PRKDC: variants seen among roughly 807,000 people sequenced by gnomAD.
The protein encoded by PRKDC is protein kinase, DNA-activated, catalytic subunit.
In PRKDC, 82 loss-of-function variants were observed where a neutral mutation model predicts 486.9. The ratio of observed to expected loss-of-function variants is 0.17; its 90% CI spans 0.14 to 0.20. PRKDC has a LOEUF of 0.20. Ranked by LOEUF, PRKDC falls within the 10% of genes least tolerant of loss-of-function variation. PRKDC has a pLI of 1.00. For missense variants in PRKDC, 4,504 were observed against 5,038.2 expected (o/e 0.89, Z 3.21); for synonymous variants, 1,895 against 1,837.0 (o/e 1.03, Z -0.81).
At chr8:47,878,185 A>C (rs576433629) in intron 39 of PRKDC, among the ~76,000 whole-genome samples, 1 of 151,062 alleles carries the variant, frequency 6.6e-6, no homozygotes, top group Non-Finnish European at 1.5e-5. Flanking sequence ...GCTCACTGCA[A>C]ACTCCGCCTC....
chr8:47,904,455 T>A (rs1031586069), intron 26 of PRKDC, among the ~76,000 whole-genome samples: 1 of 152,236 alleles, frequency 6.6e-6, no homozygotes, highest in African/African-American at 2.4e-5. Flanking sequence ...GGTTTCTCCA[T>A]GTTGGCCTGG....
At chr8:47,833,699 C>G (rs1057276723) in intron 59 of PRKDC, among the ~76,000 whole-genome samples, 2 of 152,184 alleles carry the variant, frequency 1.3e-5, no homozygotes, top group African/African-American at 4.8e-5. Context: ...CTCTAGCATG[C>G]CCCGAAGCGT....
Position 47,863,388 on chromosome 8 carries a change from T to C in PRKDC, c.5750+11A>G, listed in dbSNP as rs1015486617. 1 of 1,580,168 alleles carries C rather than the reference T, an allele frequency of 6.3e-7. No individual in the cohort carries two copies. Among genetic ancestry groups the C allele is most frequent in the Non-Finnish European group, 8.6e-7 (1 of 1,159,616 alleles). ...AAATAAAATAGAATCCAAAATTAAGTAAAATCTTACTTAATCAATGTCTTT... is the reference window on the plus strand; with the variant it reads ...AAATAAAATAGAATCCAAAATTAAGCAAAATCTTACTTAATCAATGTCTTT... On this transcript the variant is annotated intron_variant, in intron 42 of 85. Transcript: ENST00000314191.
chr8:47,794,628 T>C (rs906315004), intron 73 of PRKDC, 127 bp from the exon 74 acceptor site: 2 of 788,182 alleles, frequency 2.5e-6, no homozygotes, highest in East Asian at 2.7e-5. Context: ...AAGTCTTCCA[T>C]CCCCTAGCTC....
At chr8:47,900,613 G>A (rs944557803) in intron 27 of PRKDC, 146 bp from the exon 28 acceptor site, 24 of 593,048 alleles carry the variant, frequency 4.0e-5, no homozygotes, top group Middle Eastern at 3.7e-4. Context: ...TGTAATCCCA[G>A]CACTTTGGGA....
At chr8:47,799,084 AGAC>A in intron 72 of PRKDC, 123 bp downstream of exon 72, 2 of 1,278,636 alleles carry the variant, frequency 1.6e-6, no homozygotes, top group Admixed American at 4.6e-5. Context: ...TCTCTTAAAA[AGAC>A]AGTAGGATTT....
Position 47,834,296 on chromosome 8 carries a change from C to T in PRKDC, c.8052G>A (p.Arg2684=), listed in dbSNP as rs532963775. Residue 2684 remains arginine (R), a synonymous_variant, in exon 59 of 86, where the codon AGG becomes AGA. Transcript: ENST00000314191. ...AGGGTGCTCTCTGTAACCTTTCACT[C>T]CTCTTGTGGGCAAACAGCAAGGAGT... ...SSDSLLFAHK[R]SERLQRAPLK... is the part of the protein sequence containing the mutation. 1 of 1,614,028 alleles carries T rather than the reference C, an allele frequency of 6.2e-7. No individual in the cohort carries two copies. Among genetic ancestry groups the T allele is most frequent in the Non-Finnish European group, 8.5e-7 (1 of 1,179,896 alleles).
intron 40 of PRKDC, among the ~76,000 whole-genome samples, chr8:47,873,565 A>G (rs547577118): frequency 3.3e-4 from 51 of 152,240 alleles, no homozygotes; most frequent in Non-Finnish European, 6.6e-4. Flanking sequence ...TTGCACTCCC[A>G]TGTTTACTGC....
At chr8:47,927,026 T>A (rs2090167669) in intron 21 of PRKDC, 168 bp downstream of exon 21, 2 of 693,446 alleles carry the variant, frequency 2.9e-6, no homozygotes, top group Non-Finnish European at 4.5e-6. Flanking sequence ...TATTTCTTTA[T>A]CACAATTAGA....
intron 21 of PRKDC, among the ~76,000 whole-genome samples, chr8:47,921,332 T>G (rs2090067200): frequency 6.6e-6 from 1 of 152,212 alleles, no homozygotes; most frequent in Admixed American, 6.5e-5. Flanking sequence ...GGTAAACTTT[T>G]TATTTCCCAA....
intron 68 of PRKDC, among the ~76,000 whole-genome samples, chr8:47,816,336 C>T (rs772270883): frequency 6.6e-6 from 1 of 152,140 alleles, no homozygotes; most frequent in Non-Finnish European, 1.5e-5. Context: ...GTAAGACAAA[C>T]CCAAACAGAG....
In PRKDC at chr8:47,893,252, C is replaced by T. The variant is rs545202367; in HGVS notation, c.3734G>A (p.Arg1245Gln). The change falls in exon 31 of 86, where the codon CGG (arginine) becomes CAG (glutamine). Residue 1245 changes from arginine to glutamine, a missense_variant. Physicochemically the swap from Arg to Gln is conservative, Grantham distance 43. This residue lies in a region of PRKDC where 1,969 missense variants were observed against 2,068.9 expected (regional missense o/e 0.95). Coordinates refer to ENST00000314191, the MANE Select transcript of PRKDC (RefSeq NM_006904.7). ...ILAQPTLLYL[R>Q]GPFSLQATLC... ...CGTGGCCTGCAGGCTGAATGGCCCCCGAAGGTACAAGAGGGTGGGCTGGGC... is the reference window on the plus strand; with the variant it reads ...CGTGGCCTGCAGGCTGAATGGCCCCTGAAGGTACAAGAGGGTGGGCTGGGC... The T allele has an allele frequency of 1.5e-4, 237 of 1,612,336 alleles. No individual in the cohort carries two copies. The Middle Eastern group carries it at 1.5e-3, about 10-fold the overall frequency.
intron 40 of PRKDC, among the ~76,000 whole-genome samples, chr8:47,871,092 G>A (rs1194230295): frequency 6.6e-6 from 1 of 152,108 alleles, no homozygotes; most frequent in Non-Finnish European, 1.5e-5. Context: ...ATCTAGAAAA[G>A]AGCCTCAAAA....
Position 47,879,596 on chromosome 8 carries a change from A to G in PRKDC, c.5130T>C (p.Leu1710=). 6.3e-7 allele frequency: 1 copy of G among 1,593,924 alleles called. No individual in the cohort carries two copies. The highest frequency in any genetic ancestry group is 8.5e-7 in the Non-Finnish European group (1 of 1,170,640). ...TSLTGGSLEE[L]RRVLEQLIVA... is the part of the protein sequence containing the mutation. ...CGATGAGCTGCTCCAGAACACGTCT[A>G]AGTTCCTCCAGACTGCCTCCAGTGA... Residue 1710 remains leucine, a synonymous_variant, in exon 39 of 86, where the codon CTT becomes CTC. Transcript: ENST00000314191.
chr8:47,777,618 G>T, intron 84 of PRKDC, 68 bp downstream of exon 84: 1 of 1,423,686 alleles, frequency 7.0e-7, no homozygotes, highest in Non-Finnish European at 9.5e-7. Flanking sequence ...CATCATACAC[G>T]AGAGATACCA....
At chr8:47,830,786 A>G in intron 60 of PRKDC, 50 bp from the exon 61 acceptor site, 17 of 1,610,760 alleles carry the variant, frequency 1.1e-5, no homozygotes, top group Non-Finnish European at 1.4e-5. Context: ...ATTGAAGGAA[A>G]CTAGTCGTGC....
At chr8:47,788,864 A>G in intron 76 of PRKDC, 42 bp downstream of exon 76, 1 of 1,496,732 alleles carries the variant, frequency 6.7e-7, no homozygotes, top group Non-Finnish European at 8.9e-7. Context: ...TGACTGTCAC[A>G]ACGACTCTGC....
At chr8:47,775,730 A>G (rs1402684200) in intron 85 of PRKDC, among the ~76,000 whole-genome samples, 5 of 151,894 alleles carry the variant, frequency 3.3e-5, no homozygotes, top group African/African-American at 9.7e-5. Flanking sequence ...TCCAATGTAT[A>G]TATTTGTTTC....
intron 68 of PRKDC, among the ~76,000 whole-genome samples, chr8:47,816,154 C>A (rs888469286): frequency 1.3e-5 from 2 of 151,820 alleles, no homozygotes; most frequent in Non-Finnish European, 2.9e-5. Flanking sequence ...GCGGAGGTTG[C>A]AGTGAGCTGA....
Sources: allele counts gnomAD v4.1 joint callset (sites outside exome capture counted in the v4.1 genomes callset), GRCh38; gene constraint gnomAD v4.1.1; regional missense constraint gnomAD v4.1.1; transcripts MANE v1.5; gene names NCBI Gene and HGNC (gene_info 2026-07-23, HGNC 2026-07-21).